Variants in CTNNA2 observed in about 807,000 individuals in gnomAD.
CTNNA2 encodes the protein catenin alpha 2.
CTNNA2 carries 42 observed loss-of-function variants against 101.0 expected under a neutral mutation model. That is an observed-to-expected ratio of 0.42 (90% confidence interval 0.32 to 0.54). The LOEUF (loss-of-function observed/expected upper bound fraction) is 0.54. Ranked by LOEUF, CTNNA2 falls within the 20% of genes least tolerant of loss-of-function variation. The pLI, the probability that CTNNA2 is intolerant of heterozygous loss-of-function variation, is 0.14. For missense variants in CTNNA2, 871 were observed against 1,223.1 expected, an observed-to-expected ratio of 0.71 and a Z score of 4.29; for synonymous variants, 450 against 456.4, an observed-to-expected ratio of 0.99 and a Z score of 0.18.
chr2:80,470,009 TC>T (rs1433887933), intron 9 of CTNNA2, among the ~76,000 whole-genome samples: 3 of 152,130 alleles, frequency 2.0e-5, no homozygotes, highest in African/African-American at 7.2e-5. Flanking sequence ...CTACTGAGCC[TC>T]TCTCATTCAG....
At chr2:79,345,128 A>T (rs1342299263) in intron 3 of CTNNA2, among the ~76,000 whole-genome samples, 1 of 151,356 alleles carries the variant, frequency 6.6e-6, no homozygotes, top group Non-Finnish European at 1.5e-5. Context: ...AGCAAAATGT[A>T]ACAAATCAAC....
At chr2:80,536,468 T>C (rs1161289524) in intron 9 of CTNNA2, among the ~76,000 whole-genome samples, 1 of 152,196 alleles carries the variant, frequency 6.6e-6, no homozygotes, top group Admixed American at 6.5e-5. Flanking sequence ...CAATAGTGTG[T>C]TCTTAAAACA....
At chr2:80,137,813 C>T (rs1288054146) in intron 7 of CTNNA2, among the ~76,000 whole-genome samples, 1 of 151,734 alleles carries the variant, frequency 6.6e-6, no homozygotes, top group African/African-American at 2.4e-5. Flanking sequence ...TTTTTGGACA[C>T]TTGATCATTC....
intron 13 of CTNNA2, among the ~76,000 whole-genome samples, chr2:80,576,786 T>TTAAAAA (rs1558606620): frequency 8.9e-6 from 1 of 112,122 alleles, no homozygotes; most frequent in Non-Finnish European, 1.8e-5. Flanking sequence ...CTGTCTCTAC[T>TTAAAAA]GAAAAAAAAA....
chr2:79,922,581 T>A (rs1686742342), intron 7 of CTNNA2, among the ~76,000 whole-genome samples: 1 of 152,022 alleles, frequency 6.6e-6, no homozygotes, highest in African/African-American at 2.4e-5. Context: ...CTGTTGCCCC[T>A]TTTCCTCATC....
intron 2 of CTNNA2, among the ~76,000 whole-genome samples, chr2:79,278,521 G>GAAA (rs35906931): frequency 6.6e-6 from 1 of 151,328 alleles, no homozygotes; most frequent in Admixed American, 6.6e-5. Context: ...CCAAGCCCAC[G>GAAA]AAAAAAAAAT....
At chr2:80,465,426 G>T (rs139792202) in intron 9 of CTNNA2, among the ~76,000 whole-genome samples, 1 of 152,142 alleles carries the variant, frequency 6.6e-6, no homozygotes, top group Non-Finnish European at 1.5e-5. Flanking sequence ...CATTACAAAT[G>T]GAAGACTGGG....
intron 7 of CTNNA2, chr2:80,298,041 A>C (rs1558979480): frequency 6.6e-6 from 1 of 150,798 alleles, no homozygotes; most frequent in African/African-American, 2.4e-5. Context: ...TATATATTAT[A>C]TATATATATA....
chr2:80,531,426 G>A (rs1690532040), intron 9 of CTNNA2, among the ~76,000 whole-genome samples: 1 of 152,222 alleles, frequency 6.6e-6, no homozygotes, highest in Non-Finnish European at 1.5e-5. Flanking sequence ...TACGGCCACA[G>A]ATGAAAGGCT....
At chr2:80,337,076 C>T (rs533815423) in intron 7 of CTNNA2, among the ~76,000 whole-genome samples, 111 of 152,296 alleles carry the variant, frequency 7.3e-4, no homozygotes, top group African/African-American at 2.4e-3. Flanking sequence ...TGAGACAGAG[C>T]TGGGCACGGT....
At position 80,647,793 on chromosome 2, in the gene CTNNA2, G is replaced by A. The variant is rs766798712; in HGVS notation, c.2783G>A (p.Arg928Gln). ...KREKPEEFQT[R>Q]VRRGSQKKHI... is the part of the protein sequence containing the mutation. ...GAAAAGCCTGAAGAATTCCAGACAC[G>A]AGTTCGACGAGGTTCTCAGAAGAAA... The change falls in exon 19 of 19, where the codon CGA (arginine) becomes CAA (glutamine). Residue 928 changes from arginine (R) to glutamine (Q), a missense_variant. Arg to Gln is a conservative substitution (Grantham distance 43, BLOSUM62 1). Around this residue, in one of 5 missense-constraint regions of CTNNA2, gnomAD observed 41 missense variants for 45.1 expected, o/e 0.91. Transcript: ENST00000402739. 10 of 1,613,612 alleles carry A rather than the reference G, an allele frequency of 6.2e-6. No individual in the cohort carries two copies. In the East Asian group the frequency reaches 1.3e-4, roughly 22 times the overall value.
At chr2:79,447,904 A>G (rs1042022165) in intron 4 of CTNNA2, among the ~76,000 whole-genome samples, 22 of 152,204 alleles carry the variant, frequency 1.4e-4, no homozygotes, top group Admixed American at 7.9e-4. Flanking sequence ...AAGAAGTTAA[A>G]TATCAGTCCC....
intron 1 of CTNNA2, among the ~76,000 whole-genome samples, chr2:79,538,715 G>C (rs995320184): frequency 2.0e-5 from 3 of 152,180 alleles, no homozygotes; most frequent in African/African-American, 7.2e-5. Context: ...CATGGGGTCA[G>C]AGTTTGGTCA....
chr2:80,098,395 G>C (rs554946702), intron 7 of CTNNA2, among the ~76,000 whole-genome samples: 1 of 152,318 alleles, frequency 6.6e-6, no homozygotes, highest in African/African-American at 2.4e-5. Context: ...ACCCGGCCAT[G>C]TGAGGTGTCA....
chr2:79,317,411 C>T (rs13407472), intron 3 of CTNNA2, among the ~76,000 whole-genome samples: 39,012 of 151,816 alleles, frequency 0.26, 5,262 homozygotes, highest in Middle Eastern at 0.38. Context: ...CAGGGTAACA[C>T]TGGCCTCATA....
intron 4 of CTNNA2, among the ~76,000 whole-genome samples, chr2:79,445,365 T>C (rs961833978): frequency 5.3e-5 from 8 of 152,172 alleles, no homozygotes; most frequent in Non-Finnish European, 1.2e-4. Context: ...TACTCTGATA[T>C]TGATTTGTTA....
chr2:79,982,855 C>T (rs568255683), intron 7 of CTNNA2, among the ~76,000 whole-genome samples: 1 of 152,126 alleles, frequency 6.6e-6, no homozygotes, highest in East Asian at 1.9e-4. Context: ...ACTCACTTTC[C>T]TCTATCTCTC....
intron 1 of CTNNA2, among the ~76,000 whole-genome samples, chr2:79,534,268 A>G (rs1193964146): frequency 6.6e-6 from 1 of 151,954 alleles, no homozygotes; most frequent in Non-Finnish European, 1.5e-5. Context: ...CATTTTTATT[A>G]TTTTTGGCTT....
intron 4 of CTNNA2, among the ~76,000 whole-genome samples, chr2:79,466,892 A>G (rs548639575): frequency 3.3e-5 from 5 of 152,256 alleles, no homozygotes; most frequent in Non-Finnish European, 5.9e-5. Context: ...ACCATCATCA[A>G]GGACCAAAGG....
Sources: allele counts gnomAD v4.1 joint callset (sites outside exome capture counted in the v4.1 genomes callset), GRCh38; gene constraint gnomAD v4.1.1; regional missense constraint gnomAD v4.1.1; transcripts MANE v1.5; gene names NCBI Gene and HGNC (gene_info 2026-07-23, HGNC 2026-07-21).